ERICH4: variants seen among roughly 807,000 people sequenced by gnomAD.
ERICH4 encodes the protein glutamate rich 4.
A neutral mutation model predicts 5.2 loss-of-function variants in ERICH4; 4 were observed. The ratio of observed to expected loss-of-function variants is 0.77; its 90% CI spans 0.38 to 1.76. ERICH4 has a LOEUF of 1.76. Among genes scored for constraint, ERICH4 ranks in the 40% most tolerant of loss-of-function variants. ERICH4 has a pLI of 0.04. For missense variants in ERICH4, 164 were observed against 159.8 expected, an observed-to-expected ratio of 1.03 and a Z score of -0.14; for synonymous variants, 75 against 68.7, an observed-to-expected ratio of 1.09 and a Z score of -0.45.
rs1411082572 is a variant in ERICH4, at chr19:41,444,570, C to T, written c.*346C>T. 6.7e-5 allele frequency: 20 copies of T among 296,796 alleles called. No homozygotes were observed. The highest frequency in any genetic ancestry group is 4.0e-4 in the Admixed American group (8 of 20,078). 18.4% of individuals were successfully genotyped at this position (296,796 alleles called of 1,614,324 possible). A position where few individuals can be genotyped will look rare whatever the true frequency, so the allele number is the denominator to read the frequency against. On this transcript the variant is annotated 3_prime_UTR_variant, in exon 2 of 2. Transcript: ENST00000378187. ...CAACGCTGTCCAGTATGGTAGCCAC[C>T]GGACACACATGGTTATTTAGTGCTT...
rs782463306 is a variant in ERICH4 at position 41,443,233 on chromosome 19, C to T, written c.64C>T (p.Gln22Ter). 3.4e-6 allele frequency: 5 copies of T among 1,463,928 alleles called. No homozygotes were observed. The highest frequency in any genetic ancestry group is 2.7e-5 in the South Asian group (2 of 73,876). The allele number at this position is 1,463,928 out of a possible 1,614,324, so 90.7% of individuals were successfully genotyped here. A position where few individuals can be genotyped will look rare whatever the true frequency, so the allele number is the denominator to read the frequency against. ...LVPPGLGPPP[Q>*]ALREVSPVEI... ...GCCTCCGGGGCTGGGCCCACCCCCC[C>T]AGGCCCTGAGGGAGGTCTCCCCAGT... Residue 22 changes from glutamine to a stop codon, truncating the protein, a stop_gained, in exon 1 of 2, where the codon CAG (glutamine) becomes TAG (stop). Coordinates refer to ENST00000378187, the MANE Select transcript of ERICH4 (RefSeq NM_001130514.3). LOFTEE classifies it high-confidence loss of function.
At chr19:41,443,508 G>A (rs1252613594) in intron 1 of ERICH4, among the ~76,000 whole-genome samples, 165 bp downstream of exon 1, 2 of 151,954 alleles carry the variant, frequency 1.3e-5, no homozygotes, top group Non-Finnish European at 2.9e-5. Flanking sequence ...AGTGAGGGAC[G>A]GGAACAGAGG....
In ERICH4 at chr19:41,444,226, G is replaced by T; in HGVS notation, c.*2G>T. 1 of 1,552,218 alleles carries T rather than the reference G, an allele frequency of 6.4e-7. No individual in the cohort carries two copies. Among genetic ancestry groups the T allele is most frequent in the Non-Finnish European group, 8.7e-7 (1 of 1,147,102 alleles). On this transcript the variant is annotated 3_prime_UTR_variant, in exon 2 of 2. Transcript: ENST00000378187. Reference sequence around the variant, plus strand: ...CCTGACTTTGAGATGATGATCTGAGGCTCTGCCAGTGGATTTAGATTGACA... The same window carrying T: ...CCTGACTTTGAGATGATGATCTGAGTCTCTGCCAGTGGATTTAGATTGACA...
chr19:41,443,827 G>C, intron 1 of ERICH4, 179 bp from the exon 2 acceptor site: 1 of 593,510 alleles, frequency 1.7e-6, no homozygotes, highest in South Asian at 2.1e-5. Flanking sequence ...AAAGAGAAGA[G>C]TTAGAGATCA....
Position 41,443,298 on chromosome 19 carries a change from C to T in ERICH4, c.129C>T (p.Asp43=). Residue 43 remains aspartate (D), a synonymous_variant, in exon 1 of 2, where the codon GAC becomes GAT. Coordinates refer to ENST00000378187, the MANE Select transcript of ERICH4 (RefSeq NM_001130514.3). The part of the protein sequence containing the change: ...PGQTLRTAGA[D]TGGACDSLLW... Reference sequence around the variant, plus strand: ...AGACCCTCAGGACTGCAGGGGCAGACACTGGAGGTGCCTGCGATAGTCTGC... The same window carrying T: ...AGACCCTCAGGACTGCAGGGGCAGATACTGGAGGTGCCTGCGATAGTCTGC... 1 of 1,348,310 alleles carries T rather than the reference C, an allele frequency of 7.4e-7. No homozygotes were observed. Among genetic ancestry groups the T allele is most frequent in the Non-Finnish European group, 9.6e-7 (1 of 1,038,918 alleles). 83.5% of individuals were successfully genotyped at this position (1,348,310 alleles called of 1,614,324 possible).
chr19:41,443,640 G>A (rs2040136930), intron 1 of ERICH4, among the ~76,000 whole-genome samples: 1 of 151,930 alleles, frequency 6.6e-6, no homozygotes, highest in Admixed American at 6.6e-5. Flanking sequence ...GAGGGCAAGC[G>A]AGAGAAAGAG....
At position 41,444,173 on chromosome 19, in the gene ERICH4, C is replaced by G. The variant is rs782540249; in HGVS notation, c.342C>G (p.His114Gln). 9.0e-6 allele frequency: 14 copies of G among 1,551,972 alleles called. No homozygotes were observed. The Middle Eastern group carries it at 5.0e-4, about 55-fold the overall frequency. The change falls in exon 2 of 2, where the codon CAC (histidine) becomes CAG (glutamine). Residue 114 changes from histidine (H) to glutamine (Q), a missense_variant. Coordinates refer to ENST00000378187, the MANE Select transcript of ERICH4 (RefSeq NM_001130514.3). ...CCCAGAGGAAGCAGGAGGAGGAACA[C>G]CTGGAGGCCTGCCCAGCCCCACATC... Reference protein sequence around the residue: ...QEPQRKQEEEHLEACPAPHPP... With the variant: ...QEPQRKQEEEQLEACPAPHPP...
At position 41,444,713 on chromosome 19, in the gene ERICH4, G is replaced by A. The variant is rs564684605; in HGVS notation, c.*489G>A. 1 of 160,116 alleles carries A rather than the reference G, an allele frequency of 6.2e-6. No homozygotes were observed. The highest frequency in any genetic ancestry group is 2.4e-5 in the African/African-American group (1 of 41,522). The allele number at this position is 160,116 out of a possible 1,614,324, so 9.9% of individuals were successfully genotyped here. A position where few individuals can be genotyped will look rare whatever the true frequency, so the allele number is the denominator to read the frequency against. On this transcript the variant is annotated 3_prime_UTR_variant, in exon 2 of 2. Transcript: ENST00000378187. ...CTCAATAATTTTTAGATTACTTATT[G>A]AAATAATAATATTTTGAGCATATCA...
rs1555773422 is a variant in ERICH4 at position 41,443,269 on chromosome 19, G to A, written c.100G>A (p.Gly34Ser). Residue 34 changes from glycine to serine, a missense_variant, in exon 1 of 2, where the codon GGT becomes AGT. Coordinates refer to ENST00000378187, the MANE Select transcript of ERICH4 (RefSeq NM_001130514.3). ...LREVSPVEIP[G>S]QTLRTAGADT... ...GGAGGTCTCCCCAGTGGAAATCCCT[G>A]GTCAGACCCTCAGGACTGCAGGGGC... The A allele has an allele frequency of 1.8e-5, 26 of 1,407,194 alleles. No individual in the cohort carries two copies. The highest frequency in any genetic ancestry group is 2.3e-5 in the Non-Finnish European group (25 of 1,071,428). The allele number at this position is 1,407,194 out of a possible 1,614,324, so 87.2% of individuals were successfully genotyped here.
rs113626529 is a variant in ERICH4, at chr19:41,444,742, T to G, written c.*518T>G. ...TAATAATATTTTGAGCATATCAGTA[T>G]TAGTAAAAATATTACTAAAATTATT... On this transcript the variant is annotated 3_prime_UTR_variant, in exon 2 of 2. Transcript: ENST00000378187. 3 of 157,020 alleles carry G rather than the reference T, an allele frequency of 1.9e-5. No homozygotes were observed. The highest frequency in any genetic ancestry group is 7.2e-5 in the African/African-American group (3 of 41,450). 9.7% of individuals were successfully genotyped at this position (157,020 alleles called of 1,614,324 possible). A position where few individuals can be genotyped will look rare whatever the true frequency, so the allele number is the denominator to read the frequency against.
intron 1 of ERICH4, 107 bp downstream of exon 1, chr19:41,443,450 G>A (rs1293193541): frequency 1.0e-6 from 1 of 995,652 alleles, no homozygotes; most frequent in Non-Finnish European, 1.3e-6. Context: ...CTGAGAGATA[G>A]AAGCAGAGAC....
intron 1 of ERICH4, 141 bp from the exon 2 acceptor site, chr19:41,443,865 G>T (rs560477851): frequency 1.1e-5 from 7 of 615,706 alleles, no homozygotes; most frequent in African/African-American, 9.2e-5. Context: ...CAGGAAGGCA[G>T]TTAGGGTCCA....
In ERICH4 at chr19:41,443,986, C is replaced by T. The variant is rs531306953; in HGVS notation, c.175-20C>T. On this transcript the variant is annotated intron_variant, in intron 1 of 1. Transcript: ENST00000378187. ...GCTCTCTGGGGTGGCATCCCTGTGA[C>T]GTCCCCTTCCTACTGGCAGGGGAAC... 2.0e-5 allele frequency: 31 copies of T among 1,538,986 alleles called. No homozygotes were observed. The highest frequency in any genetic ancestry group is 2.2e-4 in the Middle Eastern group (1 of 4,458).
Position 41,444,196 on chromosome 19 carries a change from A to G in ERICH4, c.365A>G (p.His122Arg). The G allele has an allele frequency of 6.4e-7, 1 of 1,552,302 alleles. No homozygotes were observed. Among genetic ancestry groups the G allele is most frequent in the Non-Finnish European group, 8.7e-7 (1 of 1,147,144 alleles). ...EEHLEACPAP[H>R]PPDFEMMI ...CACCTGGAGGCCTGCCCAGCCCCAC[A>G]TCCACCTGACTTTGAGATGATGATC... Residue 122 changes from histidine to arginine, a missense_variant, in exon 2 of 2, where the codon CAT becomes CGT. Coordinates refer to ENST00000378187, the MANE Select transcript of ERICH4 (RefSeq NM_001130514.3).
rs549356967 is a variant in ERICH4 at position 41,444,707 on chromosome 19, C to G, written c.*483C>G. On this transcript the variant is annotated 3_prime_UTR_variant, in exon 2 of 2. Coordinates refer to ENST00000378187, the MANE Select transcript of ERICH4 (RefSeq NM_001130514.3). Reference sequence around the variant, plus strand: ...AGACATCTCAATAATTTTTAGATTACTTATTGAAATAATAATATTTTGAGC... The same window carrying G: ...AGACATCTCAATAATTTTTAGATTAGTTATTGAAATAATAATATTTTGAGC... 6.2e-6 allele frequency: 1 copy of G among 160,396 alleles called. No homozygotes were observed. The highest frequency in any genetic ancestry group is 2.4e-5 in the African/African-American group (1 of 41,532). 9.9% of individuals were successfully genotyped at this position (160,396 alleles called of 1,614,324 possible). A position where few individuals can be genotyped will look rare whatever the true frequency, so the allele number is the denominator to read the frequency against.
At position 41,443,226 on chromosome 19, in the gene ERICH4, AC is replaced by A. The variant is rs567420399; in HGVS notation, c.64del (p.Gln22ArgfsTer3). 1.6e-4 allele frequency: 234 copies of A among 1,466,886 alleles called. 1 individual carries two copies. Among genetic ancestry groups the A allele is most frequent in the South Asian group, 1.3e-3 (99 of 74,330 alleles). The allele number at this position is 1,466,886 out of a possible 1,614,324, so 90.9% of individuals were successfully genotyped here. On this transcript the variant is annotated frameshift_variant, in exon 1 of 2. Transcript: ENST00000378187. LOFTEE classifies it high-confidence loss of function. ...AGLVPPGLGP[P>X]PQALREVSPV... ...GACTGGTGCCTCCGGGGCTGGGCCC[AC>A]CCCCCCAGGCCCTGAGGGAGGTCTC...
chr19:41,443,369 G>T (rs1215940031), intron 1 of ERICH4, 26 bp downstream of exon 1: 2 of 1,292,344 alleles, frequency 1.5e-6, no homozygotes, highest in African/African-American at 3.1e-5. Flanking sequence ...GGAAGGGAAA[G>T]AGAAAGAGAG....
At chr19:41,443,790 A>G (rs1555773468) in intron 1 of ERICH4, 2 of 572,766 alleles carry the variant, frequency 3.5e-6, no homozygotes, top group East Asian at 5.8e-5. Context: ...AGAGAGAGAG[A>G]AGTCAGGGAC....
In ERICH4 at chr19:41,444,206, CTT is replaced by C. The variant is rs1555773581; in HGVS notation, c.377_378del (p.Phe126Ter). The C allele has an allele frequency of 1.9e-6, 3 of 1,552,240 alleles. No individual in the cohort carries two copies. Among genetic ancestry groups the C allele is most frequent in the South Asian group, 1.2e-5 (1 of 84,070 alleles). On this transcript the variant is annotated frameshift_variant, in exon 2 of 2. Coordinates refer to ENST00000378187, the MANE Select transcript of ERICH4 (RefSeq NM_001130514.3). LOFTEE classifies it high-confidence loss of function. ...CCTGCCCAGCCCCACATCCACCTGA[CTT>C]TGAGATGATGATCTGAGGCTCTGCC... is the stretch of plus-strand genomic sequence containing the variant. Reference protein sequence around the residue: ...EACPAPHPPDFEMMI With the variant: ...EACPAPHPPDXEMMI
Sources: gnomAD v4.1 joint callset for allele counts (sites outside exome capture counted in the v4.1 genomes callset) on GRCh38, gnomAD v4.1.1 for gene constraint, MANE v1.5 for transcripts, NCBI Gene and HGNC (gene_info 2026-07-23, HGNC 2026-07-21) for gene names.